ADAMTSL3: variants seen among roughly 807,000 people sequenced by gnomAD.
ADAMTSL3 encodes ADAMTS like 3.
Under a neutral mutation model 201.7 loss-of-function variants are expected in ADAMTSL3, and 128 were observed. The ratio of observed to expected loss-of-function variants is 0.63; its 90% CI spans 0.55 to 0.73. The LOEUF is 0.73. Ranked by LOEUF, ADAMTSL3 falls within the 30% of genes least tolerant of loss-of-function variation. The pLI, the probability that ADAMTSL3 is intolerant of heterozygous loss-of-function variation, is 0.00. For missense variants in ADAMTSL3, 1,990 were observed against 2,119.6 expected (o/e 0.94, Z 1.20); for synonymous variants, 738 against 748.4 (o/e 0.99, Z 0.23).
intron 3 of ADAMTSL3, among the ~76,000 whole-genome samples, chr15:83,732,676 A>C (rs2062300257): frequency 6.6e-6 from 1 of 152,080 alleles, no homozygotes; most frequent in Non-Finnish European, 1.5e-5. Context: ...ATTCCATAAA[A>C]CCATTATTTT....
chr15:83,956,909 A>T (rs958148705), intron 19 of ADAMTSL3, among the ~76,000 whole-genome samples: 2 of 152,182 alleles, frequency 1.3e-5, no homozygotes, highest in Non-Finnish European at 2.9e-5. Context: ...GAGCATTGCT[A>T]TGTTGATTAC....
intron 11 of ADAMTSL3, 35 bp downstream of exon 11, chr15:83,890,282 A>G: frequency 3.1e-6 from 5 of 1,606,616 alleles, no homozygotes; most frequent in Non-Finnish European, 3.4e-6. Context: ...TTTACTTCAA[A>G]AAGAAACAAA....
intron 10 of ADAMTSL3, among the ~76,000 whole-genome samples, chr15:83,887,432 G>A (rs1407190548): frequency 6.6e-6 from 1 of 152,176 alleles, no homozygotes; most frequent in Non-Finnish European, 1.5e-5. Context: ...AAACAAACCA[G>A]TGGAGTAAGT....
At chr15:83,757,487 A>C (rs1339927086) in intron 3 of ADAMTSL3, among the ~76,000 whole-genome samples, 2 of 152,154 alleles carry the variant, frequency 1.3e-5, no homozygotes, top group African/African-American at 4.8e-5. Flanking sequence ...TGCACACAGC[A>C]GGGGGGCCCT....
At chr15:83,964,122 A>G (rs2067032227) in intron 19 of ADAMTSL3, among the ~76,000 whole-genome samples, 1 of 152,186 alleles carries the variant, frequency 6.6e-6, no homozygotes, top group Non-Finnish European at 1.5e-5. Flanking sequence ...CTTCACCTGC[A>G]AAGTGTCACA....
At chr15:83,922,871 G>GA (rs2066172558) in intron 16 of ADAMTSL3, among the ~76,000 whole-genome samples, 1 of 152,324 alleles carries the variant, frequency 6.6e-6, no homozygotes, top group East Asian at 1.9e-4. Context: ...ATTCTTGCAT[G>GA]AAAATGAATG....
intron 21 of ADAMTSL3, among the ~76,000 whole-genome samples, chr15:83,988,391 C>T (rs540523805): frequency 8.5e-5 from 13 of 152,258 alleles, no homozygotes; most frequent in African/African-American, 1.4e-4. Flanking sequence ...TAAAATGTGG[C>T]AGATTAAGCA....
At position 83,722,128 on chromosome 15, in the gene ADAMTSL3, A is replaced by G. The variant is rs187342516; in HGVS notation, c.189+17620A>G. Reference sequence around the variant, plus strand: ...ATGAGCAAAGATGAAAACAGATGAAAGGCATAGTTTCCAAATGAAATCAAG... The same window carrying G: ...ATGAGCAAAGATGAAAACAGATGAAGGGCATAGTTTCCAAATGAAATCAAG... On this transcript the variant is annotated intron_variant, in intron 3 of 29. Transcript: ENST00000286744. Among the ~76,000 whole-genome samples, 12 of 152,332 alleles carry G rather than the reference A, an allele frequency of 7.9e-5. No homozygotes were observed. In the East Asian group the frequency reaches 2.1e-3, roughly 27 times the overall value.
Position 84,025,267 on chromosome 15 carries a change from C to G in ADAMTSL3, c.4487C>G (p.Ser1496Cys), listed in dbSNP as rs1013650160. Residue 1496 changes from serine to cysteine, a missense_variant, in exon 27 of 30, where the codon TCT (serine) becomes TGT (cysteine). Ser to Cys is a moderately radical substitution (Grantham distance 112, BLOSUM62 -1). Transcript: ENST00000286744. ...RWFTSVWSQC[S>C]VSCGEGYHSR... The stretch of plus-strand genomic sequence containing the variant: ...TTCACAAGTGTGTGGTCACAGTGCT[C>G]TGTGTCTTGCGGTGAAGGATACCAC... 1.2e-6 allele frequency: 2 copies of G among 1,611,998 alleles called. No homozygotes were observed. Among genetic ancestry groups the G allele is most frequent in the African/African-American group, 1.3e-5 (1 of 75,034 alleles).
At chr15:84,003,580 T>G (rs982273093) in intron 23 of ADAMTSL3, among the ~76,000 whole-genome samples, 2 of 151,946 alleles carry the variant, frequency 1.3e-5, no homozygotes, top group Admixed American at 1.3e-4. Flanking sequence ...TAGTCCGGAG[T>G]TTCCCAAACC....
intron 3 of ADAMTSL3, among the ~76,000 whole-genome samples, chr15:83,765,804 CAAAGTGCAT>C (rs1296936990): frequency 1.3e-5 from 2 of 152,256 alleles, no homozygotes; most frequent in Admixed American, 1.3e-4. Flanking sequence ...CCAAACAACA[CAAAGTGCAT>C]ACTGCTTCTT....
intron 3 of ADAMTSL3, among the ~76,000 whole-genome samples, chr15:83,705,635 G>A (rs569766491): frequency 1.2e-4 from 19 of 152,248 alleles, no homozygotes; most frequent in African/African-American, 3.9e-4. Flanking sequence ...GATGCAGGAC[G>A]GAGATTAGAG....
Position 83,838,187 on chromosome 15 carries a change from A to G in ADAMTSL3, c.699A>G (p.Gln233=). ...DGSTCRLVRG[Q]SKSHVSPEKR... ...CCACCTGCAGGCTTGTACGGGGACAATCAAAGTCACACGTTTCTCCTGAAA... is the reference window on the plus strand; with the variant it reads ...CCACCTGCAGGCTTGTACGGGGACAGTCAAAGTCACACGTTTCTCCTGAAA... Residue 233 remains glutamine, a synonymous_variant, in exon 7 of 30, where the codon CAA becomes CAG. Coordinates refer to ENST00000286744, the MANE Select transcript of ADAMTSL3 (RefSeq NM_207517.3). 1 of 1,613,234 alleles carries G rather than the reference A, an allele frequency of 6.2e-7. No homozygotes were observed. The highest frequency in any genetic ancestry group is 8.5e-7 in the Non-Finnish European group (1 of 1,179,642).
chr15:83,923,725 G>A (rs2066190698), intron 16 of ADAMTSL3, among the ~76,000 whole-genome samples, 179 bp from the exon 17 acceptor site: 1 of 152,194 alleles, frequency 6.6e-6, no homozygotes, highest in Non-Finnish European at 1.5e-5. Flanking sequence ...TCATAAACTA[G>A]GAGACTTTGG....
intron 6 of ADAMTSL3, among the ~76,000 whole-genome samples, chr15:83,821,190 A>G (rs1009866137): frequency 6.6e-6 from 1 of 152,036 alleles, no homozygotes; most frequent in Non-Finnish European, 1.5e-5. Flanking sequence ...TTTTTTTCCA[A>G]ATGTGAGCAG....
intron 3 of ADAMTSL3, among the ~76,000 whole-genome samples, chr15:83,755,193 T>C (rs2062700110): frequency 2.0e-5 from 3 of 152,238 alleles, no homozygotes; most frequent in Admixed American, 6.5e-5. Flanking sequence ...TTTTTCCATT[T>C]TTTTTTAACA....
intron 25 of ADAMTSL3, among the ~76,000 whole-genome samples, chr15:84,018,199 A>T (rs535698829): frequency 1.2e-4 from 19 of 152,290 alleles, no homozygotes; most frequent in African/African-American, 4.1e-4. Context: ...TTGTTCTGCC[A>T]CCTCCTACAC....
At chr15:84,014,777 G>A in intron 24 of ADAMTSL3, 53 bp downstream of exon 24, 1 of 1,512,976 alleles carries the variant, frequency 6.6e-7, no homozygotes, top group Non-Finnish European at 8.9e-7. Flanking sequence ...TATGCACAAA[G>A]TAGGCCCCAG....
At chr15:84,021,051 A>G (rs2068196857) in intron 25 of ADAMTSL3, among the ~76,000 whole-genome samples, 1 of 152,078 alleles carries the variant, frequency 6.6e-6, no homozygotes, top group Non-Finnish European at 1.5e-5. Flanking sequence ...TCCCCTAGAG[A>G]GGCCCTCCTC....
Sources: allele counts gnomAD v4.1 joint callset (sites outside exome capture counted in the v4.1 genomes callset), GRCh38; gene constraint gnomAD v4.1.1; transcripts MANE v1.5; gene names NCBI Gene and HGNC (gene_info 2026-07-23, HGNC 2026-07-21).